Variants in TMEM26 observed in about 807,000 individuals in gnomAD.
TMEM26 encodes transmembrane protein 26.
A neutral mutation model predicts 28.8 loss-of-function variants in TMEM26; 38 were observed. The observed-to-expected ratio is 1.32, with a 90% CI of 1.02 to 1.73. The LOEUF (loss-of-function observed/expected upper bound fraction) is 1.73, where lower values mean the gene tolerates loss of function less well. Among genes scored for constraint, TMEM26 ranks in the 40% most tolerant of loss-of-function variants. TMEM26 has a pLI of 0.00. For missense variants in TMEM26, 518 were observed against 447.1 expected, an observed-to-expected ratio of 1.16 and a Z score of -1.43; for synonymous variants, 227 against 182.9, an observed-to-expected ratio of 1.24 and a Z score of -1.95.
intron 4 of TMEM26, among the ~76,000 whole-genome samples, chr10:61,426,702 A>G (rs190683419): frequency 6.6e-6 from 1 of 152,202 alleles, no homozygotes; most frequent in East Asian, 1.9e-4. Flanking sequence ...TGCTGAGTAG[A>G]CTACAATGAA....
intron 4 of TMEM26, among the ~76,000 whole-genome samples, chr10:61,421,719 C>T (rs1042484018): frequency 6.6e-6 from 1 of 152,098 alleles, no homozygotes; most frequent in African/African-American, 2.4e-5. Context: ...TTCTTCAGAG[C>T]CTCCAATAGG....
At chr10:61,451,659 G>T (rs1347854099) in intron 1 of TMEM26, among the ~76,000 whole-genome samples, 3 of 152,116 alleles carry the variant, frequency 2.0e-5, no homozygotes, top group Non-Finnish European at 4.4e-5. Flanking sequence ...CTTCATGGGG[G>T]TGGGGAGGTG....
intron 1 of TMEM26, among the ~76,000 whole-genome samples, chr10:61,439,954 A>G (rs1399976116): frequency 6.6e-6 from 1 of 152,196 alleles, no homozygotes; most frequent in Non-Finnish European, 1.5e-5. Flanking sequence ...CTAAACCTAT[A>G]TAAGGCCGTG....
intron 1 of TMEM26, among the ~76,000 whole-genome samples, chr10:61,445,684 TTA>T (rs142364194): frequency 0.097 from 14,696 of 151,910 alleles, 1,488 homozygotes; most frequent in African/African-American, 0.26. Context: ...AAATTTTTTT[TTA>T]AAAAAAAGGA....
chr10:61,443,471 A>G (rs1840129695), intron 1 of TMEM26, among the ~76,000 whole-genome samples: 1 of 151,934 alleles, frequency 6.6e-6, no homozygotes, highest in Admixed American at 6.6e-5. Flanking sequence ...TCTCAAAAAA[A>G]AAAAAAGTGC....
At chr10:61,436,697 A>G (rs1407680525) in intron 1 of TMEM26, among the ~76,000 whole-genome samples, 3 of 152,238 alleles carry the variant, frequency 2.0e-5, no homozygotes, top group African/African-American at 2.4e-5. Context: ...AGCTCAAACA[A>G]TAATATGATG....
chr10:61,439,574 G>A (rs1291719852), intron 1 of TMEM26, among the ~76,000 whole-genome samples: 1 of 152,184 alleles, frequency 6.6e-6, no homozygotes, highest in Non-Finnish European at 1.5e-5. Flanking sequence ...TTATATGTTA[G>A]TGAGACCCTG....
chr10:61,424,465 T>C (rs1839797728), intron 4 of TMEM26, among the ~76,000 whole-genome samples: 1 of 152,166 alleles, frequency 6.6e-6, no homozygotes, highest in Admixed American at 6.6e-5. Context: ...TTTAATATTG[T>C]TAAGATGACA....
chr10:61,446,854 T>TAAAAAAAAAAAAAAAAAAA (rs1840191839), intron 1 of TMEM26, among the ~76,000 whole-genome samples: 6 of 78,342 alleles, frequency 7.7e-5, no homozygotes, highest in African/African-American at 2.7e-4. Flanking sequence ...AAAAAAAAAT[T>TAAAAAAAAAAAAAAAAAAA]AAAAATGCTT....
intron 1 of TMEM26, 89 bp from the exon 2 acceptor site, chr10:61,436,337 C>T (rs1840008319): frequency 1.1e-5 from 8 of 746,794 alleles, no homozygotes; most frequent in Non-Finnish European, 1.7e-5. Flanking sequence ...AAAAAAAATG[C>T]ACATACTCCG....
Position 61,453,066 on chromosome 10 carries a change from A to G in TMEM26, c.16T>C (p.Phe6Leu). The part of the protein sequence containing the change: MEGLV[F>L]LNALATRLLF... ...AACCGAGTGGCCAGGGCGTTAAGGA[A>G]GACCAGTCCCTCCATGCTGGCCGGA... Residue 6 changes from phenylalanine (F) to leucine (L), a missense_variant, in exon 1 of 6, where the codon TTC (phenylalanine) becomes CTC (leucine). Coordinates refer to ENST00000399298, the MANE Select transcript of TMEM26 (RefSeq NM_178505.8). 1 of 1,613,190 alleles carries G rather than the reference A, an allele frequency of 6.2e-7. No individual in the cohort carries two copies. The highest frequency in any genetic ancestry group is 1.1e-5 in the South Asian group (1 of 91,078).
intron 1 of TMEM26, among the ~76,000 whole-genome samples, chr10:61,444,546 C>G (rs1042082849): frequency 2.0e-5 from 3 of 151,402 alleles, no homozygotes; most frequent in African/African-American, 7.3e-5. Context: ...AAGAGTGTAT[C>G]TGAGCCAGAC....
At chr10:61,425,938 G>T (rs970754319) in intron 4 of TMEM26, among the ~76,000 whole-genome samples, 2 of 151,976 alleles carry the variant, frequency 1.3e-5, no homozygotes, top group Non-Finnish European at 2.9e-5. Flanking sequence ...CCACTCTTAG[G>T]TGTCTACCAA....
At chr10:61,421,047 G>A (rs1839738159) in intron 4 of TMEM26, among the ~76,000 whole-genome samples, 1 of 151,990 alleles carries the variant, frequency 6.6e-6, no homozygotes, top group Admixed American at 6.6e-5. Flanking sequence ...AGGAAACAGA[G>A]TTATCAGTAA....
At chr10:61,443,097 A>G (rs1277204979) in intron 1 of TMEM26, among the ~76,000 whole-genome samples, 2 of 152,218 alleles carry the variant, frequency 1.3e-5, no homozygotes, top group African/African-American at 4.8e-5. Flanking sequence ...CTAAATGGCC[A>G]AGAGCTAATG....
chr10:61,431,315 A>G lies in TMEM26; in HGVS notation c.288T>C (p.Ala96=). The G allele has an allele frequency of 6.2e-7, 1 of 1,613,008 alleles. No homozygotes were observed. The highest frequency in any genetic ancestry group is 1.3e-5 in the African/African-American group (1 of 74,976). The change falls in exon 3 of 6, where the codon GCT becomes GCC. Residue 96 remains alanine, a synonymous_variant. Coordinates refer to ENST00000399298, the MANE Select transcript of TMEM26 (RefSeq NM_178505.8). ...HHETQYCSIQ[A]EGTSQNTSRK... ...TGCTGGTATTCTGTGATGTTCCTTC[A>G]GCCTGGATACTGCAATACTAAGAAT...
In TMEM26 at chr10:61,431,212, C is replaced by T. The variant is rs531391027; in HGVS notation, c.384+7G>A. 8.7e-6 allele frequency: 14 copies of T among 1,606,328 alleles called. No homozygotes were observed. Among genetic ancestry groups the T allele is most frequent in the South Asian group, 6.6e-5 (6 of 90,852 alleles). On this transcript the variant is annotated splice_region_variant and intron_variant, in intron 3 of 5. Transcript: ENST00000399298. ...GATCCTTTAATAAACAGTGGAAAAGCTCTCACCGTCTCAATGAGATCATCA... is the reference window on the plus strand; with the variant it reads ...GATCCTTTAATAAACAGTGGAAAAGTTCTCACCGTCTCAATGAGATCATCA...
intron 4 of TMEM26, among the ~76,000 whole-genome samples, chr10:61,426,637 G>A (rs369139773): frequency 6.6e-6 from 1 of 151,988 alleles, no homozygotes; most frequent in African/African-American, 2.4e-5. Flanking sequence ...AAATCTATCA[G>A]CCTAAACTAT....
Position 61,408,367 on chromosome 10 carries a change from T to C in TMEM26, c.*1955A>G, listed in dbSNP as rs992130467. ...CACGAAGCCAAGCCAAGTCTCAGAT[T>C]TGAAAGCATTTAAAAATATCCTTGC... On this transcript the variant is annotated 3_prime_UTR_variant, in exon 6 of 6. Transcript: ENST00000399298. The C allele has an allele frequency of 2.0e-5, 3 of 152,206 alleles. No individual in the cohort carries two copies. The highest frequency in any genetic ancestry group is 1.3e-4 in the Admixed American group (2 of 15,272). 9.4% of individuals were successfully genotyped at this position (152,206 alleles called of 1,614,324 possible).
Sources: allele counts gnomAD v4.1 joint callset (sites outside exome capture counted in the v4.1 genomes callset), GRCh38; gene constraint gnomAD v4.1.1; transcripts MANE v1.5; gene names NCBI Gene and HGNC (gene_info 2026-07-23, HGNC 2026-07-21).